SHANK2: variants seen among roughly 807,000 people sequenced by gnomAD.
The protein encoded by SHANK2 is SH3 and multiple ankyrin repeat domains 2.
SHANK2 carries 43 observed loss-of-function variants against 133.7 expected under a neutral mutation model. The ratio of observed to expected loss-of-function variants is 0.32; its 90% CI spans 0.25 to 0.41. The LOEUF is 0.41. Among genes scored for constraint, SHANK2 ranks in the 10% least tolerant of loss-of-function variants. The pLI is 1.00. For synonymous variants in SHANK2, 1,017 were observed against 952.8 expected (o/e 1.07, Z -1.24); for missense variants, 1,994 against 2,235.8 (o/e 0.89, Z 2.18).
At chr11:70,816,168 G>A (rs1369810955) in intron 12 of SHANK2, among the ~76,000 whole-genome samples, 1 of 152,266 alleles carries the variant, frequency 6.6e-6, no homozygotes, top group Non-Finnish European at 1.5e-5. Flanking sequence ...AGCTGTGGAT[G>A]TCAGTGCAGG....
At chr11:70,784,416 G>A (rs1009843331) in intron 14 of SHANK2, among the ~76,000 whole-genome samples, 1 of 130,760 alleles carries the variant, frequency 7.6e-6, no homozygotes, top group Non-Finnish European at 1.6e-5. Context: ...CAGTGCAGTA[G>A]TGTGATCTCG....
At chr11:70,662,097 C>T in intron 15 of SHANK2, 5 of 442,398 alleles carry the variant, frequency 1.1e-5, no homozygotes, top group South Asian at 8.7e-5. Flanking sequence ...GCTCCTCCGG[C>T]TTGTCCCGAC....
rs1306172351 is a variant in SHANK2 at position 71,118,765 on chromosome 11, C to T, written c.411+64G>A. 9.4e-6 allele frequency: 13 copies of T among 1,378,754 alleles called. No homozygotes were observed. The African/African-American group carries it at 1.3e-4, about 14-fold the overall frequency. The allele number at this position is 1,378,754 out of a possible 1,614,324, so 85.4% of individuals were successfully genotyped here. A position where few individuals can be genotyped will look rare whatever the true frequency, so the allele number is the denominator to read the frequency against. On this transcript the variant is annotated intron_variant, in intron 4 of 25. Coordinates refer to ENST00000601538, the MANE Select transcript of SHANK2 (RefSeq NM_012309.5). The stretch of plus-strand genomic sequence containing the variant: ...GTCTCGCCCCACCACCATGTCTCCC[C>T]CACCCACCATGGCATCCAGGCTGTG...
chr11:70,493,235 C>G (rs2058922110), intron 21 of SHANK2, among the ~76,000 whole-genome samples: 2 of 143,956 alleles, frequency 1.4e-5, no homozygotes, highest in Admixed American at 7.0e-5. Context: ...ACTGTGATTG[C>G]CAAGACATGA....
intron 10 of SHANK2, among the ~76,000 whole-genome samples, chr11:70,920,139 G>C (rs570305329): frequency 6.6e-5 from 10 of 152,240 alleles, no homozygotes; most frequent in Admixed American, 2.6e-4. Context: ...AAGTGAGATA[G>C]TGCATACAGC....
chr11:70,689,734 A>C (rs1945235895), intron 15 of SHANK2, among the ~76,000 whole-genome samples: 3 of 152,228 alleles, frequency 2.0e-5, no homozygotes, highest in Admixed American at 2.0e-4. Flanking sequence ...CCAAGAAGAC[A>C]AAACAGTCCT....
At chr11:70,709,198 G>A (rs1945728256) in intron 14 of SHANK2, among the ~76,000 whole-genome samples, 1 of 152,216 alleles carries the variant, frequency 6.6e-6, no homozygotes, top group South Asian at 2.1e-4. Context: ...GTGGCAGAGT[G>A]AGAACCTGTC....
rs569161290 is a variant in SHANK2 at position 71,175,188 on chromosome 11, C to T, written c.-12-27850G>A. Among the ~76,000 whole-genome samples the T allele has an allele frequency of 1.1e-4, 16 of 152,308 alleles. No homozygotes were observed. Among genetic ancestry groups the T allele is most frequent in the East Asian group, 1.9e-4 (1 of 5,176 alleles). ...GGCAAGAGACAAAACCCATCGTCTT[C>T]GCCAGTGCTTCCTCGGCACCTAGTC... On this transcript the variant is annotated intron_variant, in intron 2 of 25. Coordinates refer to ENST00000601538, the MANE Select transcript of SHANK2 (RefSeq NM_012309.5). The surrounding 1 kb of genome is among the most constrained non-coding windows in gnomAD (Gnocchi z 4.2).
intron 17 of SHANK2, among the ~76,000 whole-genome samples, chr11:70,633,111 C>T (rs890749152): frequency 2.0e-5 from 3 of 151,124 alleles, no homozygotes; most frequent in South Asian, 2.1e-4. Context: ...GATTTAGACA[C>T]GTTGAATATA....
intron 1 of SHANK2, among the ~76,000 whole-genome samples, chr11:71,241,520 A>G (rs1555124416): frequency 6.6e-6 from 1 of 152,218 alleles, no homozygotes; most frequent in Non-Finnish European, 1.5e-5. Context: ...GTTTAAGATC[A>G]TGAGGCAACC....
rs148324363 is a variant in SHANK2, at chr11:71,169,691, C to A, written c.-12-22353G>T. ...GCTTGAACCCAGGGTGCAGAGGTTG[C>A]AGTGAGCTGAGATCGTACCACTGCA... On this transcript the variant is annotated intron_variant, in intron 2 of 25. Coordinates refer to ENST00000601538, the MANE Select transcript of SHANK2 (RefSeq NM_012309.5). Among the ~76,000 whole-genome samples, 399 of 143,218 alleles carry A rather than the reference C, an allele frequency of 2.8e-3. 5 individuals carry two copies. Among genetic ancestry groups the A allele is most frequent in the East Asian group, 0.024 (114 of 4,844 alleles). 94.0% of individuals were successfully genotyped at this position (143,218 alleles called of 152,430 possible).
At chr11:70,697,035 C>T (rs1945407982) in intron 15 of SHANK2, among the ~76,000 whole-genome samples, 1 of 152,204 alleles carries the variant, frequency 6.6e-6, no homozygotes, top group East Asian at 1.9e-4. Context: ...CTTCGGGATT[C>T]CACTCATCTG....
At chr11:70,712,255 C>A (rs1320282588) in intron 14 of SHANK2, among the ~76,000 whole-genome samples, 1 of 152,248 alleles carries the variant, frequency 6.6e-6, no homozygotes, top group Non-Finnish European at 1.5e-5. Context: ...TCCTTTCCCA[C>A]ATTTAAGGAC....
chr11:70,722,695 A>C (rs1486668653), intron 14 of SHANK2, among the ~76,000 whole-genome samples: 1 of 152,190 alleles, frequency 6.6e-6, no homozygotes. Flanking sequence ...AAAATGAGAG[A>C]TGGTTTCTTA....
chr11:70,568,244 C>T (rs548877085), intron 17 of SHANK2, among the ~76,000 whole-genome samples: 106 of 152,304 alleles, frequency 7.0e-4, no homozygotes, highest in Admixed American at 3.2e-3. Context: ...AGGGATCCTT[C>T]GAGGGGCGGC....
intron 17 of SHANK2, among the ~76,000 whole-genome samples, chr11:70,549,636 G>T (rs1554977347): frequency 1.3e-5 from 2 of 152,178 alleles, no homozygotes; most frequent in African/African-American, 4.8e-5. Context: ...CCCGGCCAGG[G>T]ACTGGGGAGC....
intron 17 of SHANK2, among the ~76,000 whole-genome samples, chr11:70,523,469 A>G (rs541722311): frequency 6.6e-6 from 1 of 152,280 alleles, no homozygotes; most frequent in African/African-American, 2.4e-5. Context: ...CTGGCAGTCT[A>G]TCCATGAGAA....
intron 17 of SHANK2, among the ~76,000 whole-genome samples, chr11:70,558,159 T>A (rs1396741203): frequency 6.6e-6 from 1 of 152,100 alleles, no homozygotes; most frequent in African/African-American, 2.4e-5. Context: ...TCGGAGAGGT[T>A]CTTTCTATCT....
intron 11 of SHANK2, among the ~76,000 whole-genome samples, chr11:70,844,427 G>A (rs782774167): frequency 6.6e-6 from 1 of 152,124 alleles, no homozygotes; most frequent in Non-Finnish European, 1.5e-5. Context: ...TCTCGACAAG[G>A]GGATCATCTA....
Sources: allele counts gnomAD v4.1 joint callset (sites outside exome capture counted in the v4.1 genomes callset), GRCh38; gene constraint gnomAD v4.1.1; non-coding constraint Gnocchi (gnomAD v3.1); transcripts MANE v1.5; gene names NCBI Gene and HGNC (gene_info 2026-07-23, HGNC 2026-07-21).